BAX: variants seen among roughly 807,000 people sequenced by gnomAD.
BAX encodes apoptosis regulator BAX.
Under a neutral mutation model 26.8 loss-of-function variants are expected in BAX, and 21 were observed. The ratio of observed to expected loss-of-function variants is 0.78; its 90% CI spans 0.56 to 1.13. The LOEUF is 1.13. BAX is among the 50% of genes most tolerant of loss of function. The pLI, the probability that BAX is intolerant of heterozygous loss-of-function variation, is 0.00. For synonymous variants in BAX, 110 were observed against 101.8 expected, an observed-to-expected ratio of 1.08 and a Z score of -0.49; for missense variants, 236 against 254.6, an observed-to-expected ratio of 0.93 and a Z score of 0.50.
At chr19:48,955,915 C>G in intron 3 of BAX, 82 bp downstream of exon 3, 1 of 1,462,340 alleles carries the variant, frequency 6.8e-7, no homozygotes, top group Middle Eastern at 2.5e-4. Flanking sequence ...TCTCCTCCTC[C>G]CCTAAGAACT....
chr19:48,959,311 T>G (rs930361443), intron 4 of BAX, among the ~76,000 whole-genome samples: 1 of 127,902 alleles, frequency 7.8e-6, no homozygotes, highest in African/African-American at 3.1e-5. Context: ...ATTGCACCAC[T>G]GCACTCCAGC....
chr19:48,959,686 T>C (rs1365250785), intron 4 of BAX, among the ~76,000 whole-genome samples: 2 of 143,160 alleles, frequency 1.4e-5, no homozygotes, highest in African/African-American at 2.6e-5. Flanking sequence ...AATAGCCCGG[T>C]GTGGTGGCGG....
chr19:48,954,990 G>A, intron 1 of BAX, 28 bp downstream of exon 1: 1 of 1,239,960 alleles, frequency 8.1e-7, no homozygotes, highest in Non-Finnish European at 1.0e-6. Flanking sequence ...CGGGCGGGAG[G>A]AGGGCGAGCC....
intron 5 of BAX, 65 bp from the exon 6 acceptor site, chr19:48,961,467 G>T: frequency 7.1e-7 from 1 of 1,417,536 alleles, no homozygotes; most frequent in Non-Finnish European, 9.7e-7. Context: ...CCCTGATCCC[G>T]CCTCTGCCTG....
Position 48,961,660 on chromosome 19 carries a change from GT to G in BAX, c.*29del. On this transcript the variant is annotated 3_prime_UTR_variant, in exon 6 of 6. Coordinates refer to ENST00000345358, the MANE Select transcript of BAX (RefSeq NM_138761.4). ...GAGGCCCCCAGCTGCCTTGGACTGT[GT>G]TTTTCCTCCATAAATTATGGCATTT... 1.3e-6 allele frequency: 2 copies of G among 1,494,154 alleles called. No individual in the cohort carries two copies. Among genetic ancestry groups the G allele is most frequent in the South Asian group, 1.2e-5 (1 of 84,894 alleles). 92.6% of individuals were successfully genotyped at this position (1,494,154 alleles called of 1,614,324 possible).
intron 4 of BAX, among the ~76,000 whole-genome samples, chr19:48,958,645 G>T (rs2038230612): frequency 6.6e-6 from 1 of 151,748 alleles, no homozygotes. Flanking sequence ...CTGGGTTTAA[G>T]CGATTCTCTT....
At chr19:48,960,672 A>G in intron 4 of BAX, 138 bp from the exon 5 acceptor site, 1 of 814,818 alleles carries the variant, frequency 1.2e-6, no homozygotes, top group Non-Finnish European at 2.0e-6. Context: ...CATGTTTACA[A>G]TTTTTGAAGC....
intron 4 of BAX, among the ~76,000 whole-genome samples, chr19:48,959,039 G>A (rs752060107): frequency 1.4e-4 from 22 of 151,826 alleles, no homozygotes; most frequent in Non-Finnish European, 2.5e-4. Flanking sequence ...GTCAGGGGTT[G>A]ATCTTCTCTG....
chr19:48,958,668 C>T (rs892888234), intron 4 of BAX, among the ~76,000 whole-genome samples: 9 of 151,804 alleles, frequency 5.9e-5, no homozygotes, highest in South Asian at 4.2e-4. Context: ...CTCAGTCTCC[C>T]GAGTAGCTTG....
chr19:48,961,443 C>T, intron 5 of BAX, 89 bp from the exon 6 acceptor site: 1 of 1,305,570 alleles, frequency 7.7e-7, no homozygotes, highest in South Asian at 1.3e-5. Flanking sequence ...ATCCTGCCTT[C>T]TGGCCTCCTC....
At chr19:48,961,226 T>C in intron 5 of BAX, 1 of 1,451,740 alleles carries the variant, frequency 6.9e-7, no homozygotes, top group Non-Finnish European at 9.0e-7. Context: ...AGTTCATTGA[T>C]GACCCTCTGA....
chr19:48,958,660 C>T (rs2038231296), intron 4 of BAX, among the ~76,000 whole-genome samples: 3 of 151,860 alleles, frequency 2.0e-5, no homozygotes, highest in Non-Finnish European at 4.4e-5. Context: ...TCTCTTGCCT[C>T]AGTCTCCCGA....
chr19:48,955,872 C>G (rs1303442180), intron 3 of BAX, 39 bp downstream of exon 3: 1 of 1,545,644 alleles, frequency 6.5e-7, no homozygotes, highest in Non-Finnish European at 8.7e-7. Flanking sequence ...AGCCACTGGG[C>G]TCCTTCAGGA....
intron 4 of BAX, among the ~76,000 whole-genome samples, chr19:48,956,982 T>G (rs1181222507): frequency 6.6e-6 from 1 of 150,546 alleles, no homozygotes; most frequent in Non-Finnish European, 1.5e-5. Flanking sequence ...AGGAAAGACT[T>G]CTAAGGGCAG....
At position 48,954,939 on chromosome 19, in the gene BAX, C is replaced by G. The variant is rs749316753; in HGVS notation, c.11C>G (p.Ser4Cys). Reference protein sequence around the residue: MDGSGEQPRGGGPT... With the variant: MDGCGEQPRGGGPT... ...GCGGGAGCGGCGGTGATGGACGGGT[C>G]CGGGGAGCAGCCCAGAGGCGGGGGT... is the stretch of plus-strand genomic sequence containing the variant. Residue 4 changes from serine (S) to cysteine (C), a missense_variant, in exon 1 of 6, where the codon TCC becomes TGC. By Grantham distance (112) the Ser-to-Cys change is moderately radical (BLOSUM62 -1). Transcript: ENST00000345358. 3.2e-6 allele frequency: 4 copies of G among 1,242,918 alleles called. No individual in the cohort carries two copies. The highest frequency in any genetic ancestry group is 3.0e-6 in the Non-Finnish European group (3 of 992,456). The allele number at this position is 1,242,918 out of a possible 1,614,324, so 77.0% of individuals were successfully genotyped here. A position where few individuals can be genotyped will look rare whatever the true frequency, so the allele number is the denominator to read the frequency against.
In BAX at chr19:48,961,714, G is replaced by A. The variant is rs704243; in HGVS notation, c.*78G>A. The A allele has an allele frequency of 0.89, 953,976 of 1,067,090 alleles. 428,073 individuals are homozygous for A. The highest frequency in any genetic ancestry group is 0.95 in the East Asian group (33,513 of 35,334). 66.1% of individuals were successfully genotyped at this position (1,067,090 alleles called of 1,614,324 possible). ...CTGGGAGGGGTGGGGATTGGGGGAC[G>A]TGGGCATTTTTCTTACTTTTGTAAT... On this transcript the variant is annotated 3_prime_UTR_variant, in exon 6 of 6. Coordinates refer to ENST00000345358, the MANE Select transcript of BAX (RefSeq NM_138761.4).
intron 4 of BAX, among the ~76,000 whole-genome samples, chr19:48,959,718 TAGGAGGCTCAGGC>T (rs1210575151): frequency 1.3e-5 from 2 of 148,942 alleles, no homozygotes; most frequent in East Asian, 2.0e-4. Flanking sequence ...ACCAGCTGCT[TAGGAGGCTCAGGC>T]AGGAGGATCA....
intron 4 of BAX, among the ~76,000 whole-genome samples, chr19:48,959,266 C>T (rs530774194): frequency 2.1e-5 from 3 of 142,066 alleles, no homozygotes; most frequent in South Asian, 2.3e-4. Flanking sequence ...AGAAGAATGG[C>T]GTGAACTGGG....
At chr19:48,959,063 C>A (rs2038245731) in intron 4 of BAX, among the ~76,000 whole-genome samples, 1 of 151,784 alleles carries the variant, frequency 6.6e-6, no homozygotes, top group Non-Finnish European at 1.5e-5. Context: ...CAGAAAAGTC[C>A]TCTCTGGCTG....
Sources: gnomAD v4.1 joint callset for allele counts (sites outside exome capture counted in the v4.1 genomes callset) on GRCh38, gnomAD v4.1.1 for gene constraint, MANE v1.5 for transcripts, NCBI Gene and HGNC (gene_info 2026-07-23, HGNC 2026-07-21) for gene names.